Variants in SLC44A5 observed in about 807,000 individuals in gnomAD.
The protein encoded by SLC44A5 is solute carrier family 44 member 5.
Under a neutral mutation model 101.8 loss-of-function variants are expected in SLC44A5, and 57 were observed. That is an observed-to-expected ratio of 0.56 (90% CI 0.45 to 0.70). The LOEUF is 0.70. Ranked by LOEUF, SLC44A5 falls within the 30% of genes least tolerant of loss-of-function variation. SLC44A5 has a pLI of 0.00. For missense variants in SLC44A5, 737 were observed against 853.1 expected (o/e 0.86, Z 1.70); for synonymous variants, 281 against 290.9 (o/e 0.97, Z 0.35).
intron 2 of SLC44A5, among the ~76,000 whole-genome samples, chr1:75,410,916 G>T (rs1186777149): frequency 6.6e-6 from 1 of 152,108 alleles, no homozygotes; most frequent in Non-Finnish European, 1.5e-5. Flanking sequence ...CCCTGTCTCT[G>T]CCCTTGAATA....
intron 2 of SLC44A5, among the ~76,000 whole-genome samples, chr1:75,518,513 T>C (rs1234898356): frequency 6.6e-6 from 1 of 152,192 alleles, no homozygotes; most frequent in African/African-American, 2.4e-5. Flanking sequence ...AGCACTGTAG[T>C]TGATCCATAC....
chr1:75,415,755 C>A (rs952015906), intron 2 of SLC44A5, among the ~76,000 whole-genome samples: 1 of 152,086 alleles, frequency 6.6e-6, no homozygotes, highest in African/African-American at 2.4e-5. Context: ...AAATGAGGAA[C>A]TTGTTGGGAA....
chr1:75,464,340 T>G (rs1288096735), intron 2 of SLC44A5, among the ~76,000 whole-genome samples: 1 of 152,030 alleles, frequency 6.6e-6, no homozygotes, highest in Non-Finnish European at 1.5e-5. Flanking sequence ...GAAACAGTGT[T>G]GGTATCAGCT....
In SLC44A5 at chr1:75,445,651, A is replaced by C. The variant is rs187113840; in HGVS notation, c.14-49030T>G. Among the ~76,000 whole-genome samples, 5 of 132,104 alleles carry C rather than the reference A, an allele frequency of 3.8e-5. No homozygotes were observed. In the South Asian group the frequency reaches 1.3e-3, roughly 34 times the overall value. The allele number at this position is 132,104 out of a possible 152,430, so 86.7% of individuals were successfully genotyped here. On this transcript the variant is annotated intron_variant, in intron 2 of 23. Transcript: ENST00000370859. ...CTCAGTCCTCAGATATCTTCTTTTC[A>C]TTATGTTTCTGTGTGAGCTCACCTA...
At chr1:75,435,779 G>A (rs1664855343) in intron 2 of SLC44A5, among the ~76,000 whole-genome samples, 1 of 152,052 alleles carries the variant, frequency 6.6e-6, no homozygotes, top group Non-Finnish European at 1.5e-5. Flanking sequence ...CATCAGCAAT[G>A]TTATCAGCAT....
chr1:75,432,302 T>C (rs1664659535), intron 2 of SLC44A5, among the ~76,000 whole-genome samples: 5 of 152,174 alleles, frequency 3.3e-5, no homozygotes, highest in Admixed American at 1.3e-4. Context: ...TATCCCACTA[T>C]GAGGCTGTTT....
At chr1:75,205,824 G>A in intron 23 of SLC44A5, 1 of 152,024 alleles carries the variant, frequency 6.6e-6, no homozygotes, top group South Asian at 2.1e-4. Context: ...CTATATAGTG[G>A]GAATAAGAAA....
chr1:75,307,690 T>C (rs1467918480), intron 4 of SLC44A5, among the ~76,000 whole-genome samples: 1 of 152,234 alleles, frequency 6.6e-6, no homozygotes, highest in Non-Finnish European at 1.5e-5. Flanking sequence ...GCATTAATTG[T>C]ATCCACCCCC....
chr1:75,215,538 C>CA (rs1398271848), intron 19 of SLC44A5, among the ~76,000 whole-genome samples: 1 of 151,808 alleles, frequency 6.6e-6, no homozygotes, highest in African/African-American at 2.4e-5. Flanking sequence ...TTTTTTCTCT[C>CA]AAAAAAGATA....
At chr1:75,218,339 A>G in intron 17 of SLC44A5, 151 bp downstream of exon 17, 1 of 1,093,110 alleles carries the variant, frequency 9.1e-7, no homozygotes, top group Non-Finnish European at 1.3e-6. Flanking sequence ...CTGGCTATGA[A>G]ACCAGACAAA....
chr1:75,348,990 G>A (rs1658446057), intron 3 of SLC44A5, among the ~76,000 whole-genome samples: 1 of 152,292 alleles, frequency 6.6e-6, no homozygotes, highest in South Asian at 2.1e-4. Flanking sequence ...TAGCAAACTA[G>A]AAAGTAAGTC....
intron 4 of SLC44A5, among the ~76,000 whole-genome samples, chr1:75,312,788 G>T (rs1655410223): frequency 6.6e-6 from 1 of 152,066 alleles, no homozygotes; most frequent in Non-Finnish European, 1.5e-5. Flanking sequence ...GTGTGGAGGA[G>T]CGTGGACTTT....
At chr1:75,404,497 C>T (rs1662719153) in intron 2 of SLC44A5, among the ~76,000 whole-genome samples, 1 of 152,200 alleles carries the variant, frequency 6.6e-6, no homozygotes, top group Admixed American at 6.5e-5. Flanking sequence ...AACAGTGGAT[C>T]TCTCTGCAGA....
chr1:75,683,478 T>C, the SLC44A5 span, among the ~76,000 whole-genome samples: 1 of 151,672 alleles, frequency 6.6e-6, no homozygotes, highest in East Asian at 1.9e-4. Context: ...AAATTGGAAA[T>C]CATCATTCTC....
chr1:75,640,023 G>A, the SLC44A5 span, among the ~76,000 whole-genome samples: 3 of 152,020 alleles, frequency 2.0e-5, no homozygotes, highest in African/African-American at 7.2e-5. Flanking sequence ...TGTACTGAAA[G>A]GGGGAAAAGG....
chr1:75,664,509 A>G, the SLC44A5 span, among the ~76,000 whole-genome samples: 1 of 152,174 alleles, frequency 6.6e-6, no homozygotes, highest in African/African-American at 2.4e-5. Flanking sequence ...GGATTCAATA[A>G]CATTCAAGTT....
the SLC44A5 span, among the ~76,000 whole-genome samples, chr1:75,678,774 C>T: frequency 0.25 from 37,929 of 151,874 alleles, 5,072 homozygotes; most frequent in Non-Finnish European, 0.3. Flanking sequence ...ATGACTTTGA[C>T]GAGCTGAGAG....
intron 1 of SLC44A5, among the ~76,000 whole-genome samples, chr1:75,599,822 G>A (rs1674869279): frequency 6.6e-6 from 1 of 152,122 alleles, no homozygotes; most frequent in South Asian, 2.1e-4. Flanking sequence ...TAGGGTGAAT[G>A]TGGGAAGTGG....
chr1:75,608,735 G>A (rs1480718473), intron 1 of SLC44A5, among the ~76,000 whole-genome samples: 1 of 151,418 alleles, frequency 6.6e-6, no homozygotes, highest in Non-Finnish European at 1.5e-5. Context: ...TCTTTGCTCT[G>A]GCTTTTCCTT....
Sources: gnomAD v4.1 joint callset for allele counts (sites outside exome capture counted in the v4.1 genomes callset) on GRCh38, gnomAD v4.1.1 for gene constraint, MANE v1.5 for transcripts, NCBI Gene and HGNC (gene_info 2026-07-23, HGNC 2026-07-21) for gene names.